The following ABCA8 variants were observed in gnomAD, a reference collection of about 807,000 sequenced individuals.
ABCA8 encodes the protein ABC-type organic anion transporter ABCA8.
ABCA8 carries 177 observed loss-of-function variants against 192.3 expected under a neutral mutation model. That is an observed-to-expected ratio of 0.92 (90% CI 0.81 to 1.04). The LOEUF is 1.04. Among genes scored for constraint, ABCA8 ranks in the 50% least tolerant of loss-of-function variants. The probability of loss-of-function intolerance (pLI) is 0.00; values close to 1 mark genes in which losing one functional copy is unlikely to be tolerated. For missense variants in ABCA8, 1,915 were observed against 1,904.8 expected, an observed-to-expected ratio of 1.01 and a Z score of -0.10; for synonymous variants, 642 against 690.2, an observed-to-expected ratio of 0.93 and a Z score of 1.09.
At chr17:68,874,086 G>C (rs2066140041) in intron 37 of ABCA8, among the ~76,000 whole-genome samples, 1 of 152,180 alleles carries the variant, frequency 6.6e-6, no homozygotes. Flanking sequence ...TACTCAGACA[G>C]TTTAGTGTTG....
chr17:68,891,085 A>G (rs903233747), intron 24 of ABCA8, among the ~76,000 whole-genome samples: 3 of 152,212 alleles, frequency 2.0e-5, no homozygotes, highest in Non-Finnish European at 2.9e-5. Flanking sequence ...TGGTAATTTT[A>G]TTGAAAATCA....
At chr17:68,880,526 A>C (rs1054029157) in intron 32 of ABCA8, among the ~76,000 whole-genome samples, 2 of 152,088 alleles carry the variant, frequency 1.3e-5, no homozygotes, top group Non-Finnish European at 2.9e-5. Flanking sequence ...TCCCAGACTT[A>C]GGGGATCCCC....
intron 37 of ABCA8, among the ~76,000 whole-genome samples, chr17:68,872,611 TA>T (rs929903659): frequency 4.7e-5 from 7 of 148,804 alleles, no homozygotes; most frequent in East Asian, 2.0e-4. Context: ...ATAAAAAAAA[TA>T]AAAAAAAAGA....
intron 2 of ABCA8, among the ~76,000 whole-genome samples, chr17:68,947,708 A>ATATTTAGAT (rs1161345891): frequency 1.4e-5 from 2 of 144,480 alleles, no homozygotes; most frequent in African/African-American, 4.9e-5. Flanking sequence ...AGTATTCATT[A>ATATTTAGAT]TATTTAGATT....
At chr17:68,869,654 A>C (rs776612265) in intron 38 of ABCA8, 46 bp downstream of exon 38, 1 of 1,266,078 alleles carries the variant, frequency 7.9e-7, no homozygotes, top group South Asian at 1.2e-5. Context: ...TTATGATTTG[A>C]AATTATCTTC....
intron 5 of ABCA8, among the ~76,000 whole-genome samples, chr17:68,933,778 C>G (rs1026093362): frequency 3.9e-5 from 6 of 151,924 alleles, no homozygotes; most frequent in African/African-American, 1.2e-4. Context: ...AGGATTTATT[C>G]AAAAAGAGCT....
Position 68,877,694 on chromosome 17 carries a change from TC to T in ABCA8, c.4039-16del. On this transcript the variant is annotated splice_polypyrimidine_tract_variant and intron_variant, in intron 32 of 39. Transcript: ENST00000586539. ...TTCAGTAGCACCTGCAGATGAAAGT[TC>T]CCTCTCAGAACCTACCTTCTGCACT... is the stretch of plus-strand genomic sequence containing the variant. The T allele has an allele frequency of 1.2e-6, 2 of 1,605,752 alleles. No homozygotes were observed. The highest frequency in any genetic ancestry group is 1.7e-6 in the Non-Finnish European group (2 of 1,175,230).
At chr17:68,939,509 A>G (rs1377796191) in intron 4 of ABCA8, among the ~76,000 whole-genome samples, 1 of 152,148 alleles carries the variant, frequency 6.6e-6, no homozygotes, top group East Asian at 1.9e-4. Flanking sequence ...AAAATCCTTG[A>G]AGTTATTGTG....
chr17:68,909,676 GCAAA>G lies in ABCA8; in HGVS notation c.2139-1801_2139-1798del, dbSNP rs1397347123. Among the ~76,000 whole-genome samples the G allele has an allele frequency of 2.6e-5, 4 of 152,184 alleles. No individual in the cohort carries two copies. The Middle Eastern group carries it at 0.01, about 388-fold the overall frequency. On this transcript the variant is annotated intron_variant, in intron 17 of 39. Transcript: ENST00000586539. ...GTTTAATTAATTTCCAAGAAGAGAT[GCAAA>G]CAAAGTGCTATAAGAAATAAAAAAA...
At chr17:68,939,363 G>A (rs2068161814) in intron 4 of ABCA8, among the ~76,000 whole-genome samples, 1 of 151,802 alleles carries the variant, frequency 6.6e-6, no homozygotes, top group African/African-American at 2.4e-5. Context: ...CATATCCTGT[G>A]GTTTCAATGT....
chr17:68,936,577 AG>A (rs1460386366), intron 5 of ABCA8, among the ~76,000 whole-genome samples: 1 of 152,080 alleles, frequency 6.6e-6, no homozygotes, highest in East Asian at 1.9e-4. Context: ...TAGTTACTAT[AG>A]CCTTGTAGTA....
rs1207404440 is a variant in ABCA8 at position 68,884,401 on chromosome 17, A to G, written c.3550-5T>C. 2 of 1,583,632 alleles carry G rather than the reference A, an allele frequency of 1.3e-6. No homozygotes were observed. Among genetic ancestry groups the G allele is most frequent in the Admixed American group, 3.9e-5 (2 of 51,946 alleles). ...AAAGAGAGAAGAAAAGAGAAGCTGC[A>G]AAAGAAAAGACAATTGCTAAACAGG... On this transcript the variant is annotated splice_region_variant and splice_polypyrimidine_tract_variant and intron_variant, in intron 27 of 39. Coordinates refer to ENST00000586539, the MANE Select transcript of ABCA8 (RefSeq NM_001288985.2).
intron 2 of ABCA8, among the ~76,000 whole-genome samples, chr17:68,942,628 T>G (rs2068264846): frequency 6.6e-6 from 1 of 151,500 alleles, no homozygotes; most frequent in Non-Finnish European, 1.5e-5. Context: ...GCCGTCCTGT[T>G]GCAAAAGGAG....
At position 68,891,414 on chromosome 17, in the gene ABCA8, C is replaced by T. The variant is rs2066618164; in HGVS notation, c.3144+75G>A. On this transcript the variant is annotated intron_variant, in intron 24 of 39. Transcript: ENST00000586539. ...GTTCAATTAAGCATGTAGAAATATT[C>T]TTATGAAAAATTGTAAAATTACCTT... 4.9e-6 allele frequency: 5 copies of T among 1,017,222 alleles called. No homozygotes were observed. In the East Asian group the frequency reaches 7.8e-5, roughly 16 times the overall value. 63.0% of individuals were successfully genotyped at this position (1,017,222 alleles called of 1,614,324 possible).
In ABCA8 at chr17:68,919,289, A is replaced by C; in HGVS notation, c.1788+12T>G. The C allele has an allele frequency of 6.3e-7, 1 of 1,588,108 alleles. No individual in the cohort carries two copies. Among genetic ancestry groups the C allele is most frequent in the Non-Finnish European group, 8.6e-7 (1 of 1,165,568 alleles). Reference sequence around the variant, plus strand: ...TTTTGACCAACACATTAACTTTAACATATTTTTGTACCTCTTTATCCACTT... The same window carrying C: ...TTTTGACCAACACATTAACTTTAACCTATTTTTGTACCTCTTTATCCACTT... On this transcript the variant is annotated intron_variant, in intron 14 of 39. Transcript: ENST00000586539.
At chr17:68,928,184 G>C in intron 9 of ABCA8, 121 bp from the exon 10 acceptor site, 1 of 736,268 alleles carries the variant, frequency 1.4e-6, no homozygotes, top group Admixed American at 4.0e-5. Flanking sequence ...GAGTTATATA[G>C]GGAGACTGCC....
chr17:68,921,467 G>A lies in ABCA8; in HGVS notation c.1527C>T (p.Gly509=), dbSNP rs766012830. ...LKDLVFDIYE[G]QITAILGHSG... is the part of the protein sequence containing the mutation. Reference sequence around the variant, plus strand: ...TGTGACCAAGTATTGCAGTGATTTGGCCTTCGTAAATGTCAAATACCAGAT... The same window carrying A: ...TGTGACCAAGTATTGCAGTGATTTGACCTTCGTAAATGTCAAATACCAGAT... The change falls in exon 13 of 40, where the codon GGC becomes GGT. Residue 509 remains glycine (G), a synonymous_variant. Transcript: ENST00000586539. 2 of 1,604,172 alleles carry A rather than the reference G, an allele frequency of 1.2e-6. No individual in the cohort carries two copies. The highest frequency in any genetic ancestry group is 2.2e-5 in the South Asian group (2 of 89,182).
chr17:68,935,481 C>T (rs2068036989), intron 5 of ABCA8, among the ~76,000 whole-genome samples: 1 of 144,202 alleles, frequency 6.9e-6, no homozygotes, highest in Non-Finnish European at 1.5e-5. Flanking sequence ...AAGGGACGTT[C>T]TTAAAATTTA....
chr17:68,915,135 C>T (rs1272385385), intron 17 of ABCA8, among the ~76,000 whole-genome samples: 7 of 152,014 alleles, frequency 4.6e-5, no homozygotes, highest in Admixed American at 3.3e-4. Context: ...AATATCAAAT[C>T]CAAATGGATT....
Sources: gnomAD v4.1 joint callset for allele counts (sites outside exome capture counted in the v4.1 genomes callset) on GRCh38, gnomAD v4.1.1 for gene constraint, MANE v1.5 for transcripts, NCBI Gene and HGNC (gene_info 2026-07-23, HGNC 2026-07-21) for gene names.